ASB6: variants seen among roughly 807,000 people sequenced by gnomAD.
The protein encoded by ASB6 is ankyrin repeat and SOCS box protein 6.
ASB6 carries 24 observed loss-of-function variants against 28.6 expected under a neutral mutation model. That is an observed-to-expected ratio of 0.84 (90% CI 0.61 to 1.18). ASB6 has a LOEUF of 1.18. Ranked by LOEUF, ASB6 falls within the 50% of genes most tolerant of loss-of-function variation. ASB6 has a pLI of 0.00. For missense variants in ASB6, 519 were observed against 559.8 expected (o/e 0.93, Z 0.74); for synonymous variants, 267 against 243.4 (o/e 1.10, Z -0.90).
rs951999561 is a variant in ASB6, at chr9:129,635,695, C to T, written c.*2095G>A. The T allele has an allele frequency of 1.5e-5, 8 of 529,976 alleles. No homozygotes were observed. Among genetic ancestry groups the T allele is most frequent in the East Asian group, 6.6e-5 (2 of 30,358 alleles). 32.8% of individuals were successfully genotyped at this position (529,976 alleles called of 1,614,324 possible). A position where few individuals can be genotyped will look rare whatever the true frequency, so the allele number is the denominator to read the frequency against. On this transcript the variant is annotated 3_prime_UTR_variant, in exon 6 of 6. Coordinates refer to ENST00000277458, the MANE Select transcript of ASB6 (RefSeq NM_017873.4). ...CAGGAGCCCAGACCCTGCTCTCCTG[C>T]GAGATGGGATTGGGTGGAAGGGGCT... is the stretch of plus-strand genomic sequence containing the variant.
Position 129,635,486 on chromosome 9 carries a change from T to C in ASB6, c.*2304A>G. 3.1e-6 allele frequency: 5 copies of C among 1,597,622 alleles called. No individual in the cohort carries two copies. The highest frequency in any genetic ancestry group is 4.3e-6 in the Non-Finnish European group (5 of 1,169,554). On this transcript the variant is annotated 3_prime_UTR_variant, in exon 6 of 6. Transcript: ENST00000277458. ...ATGAGCCGGGGCTGGCAGGAGAAAC[T>C]GAGGAACCACAGTCCTGGTGGGGGG... is the stretch of plus-strand genomic sequence containing the variant.
chr9:129,635,106 T>C lies in ASB6; in HGVS notation c.*2684A>G. 1.4e-6 allele frequency: 2 copies of C among 1,398,210 alleles called. No individual in the cohort carries two copies. Among genetic ancestry groups the C allele is most frequent in the Non-Finnish European group, 1.9e-6 (2 of 1,029,580 alleles). The allele number at this position is 1,398,210 out of a possible 1,614,324, so 86.6% of individuals were successfully genotyped here. ...GAGGCCATGTGTGCACACAAAATGC[T>C]GGGCACAAATGAGGGGCTCAGCGGG... is the stretch of plus-strand genomic sequence containing the variant. On this transcript the variant is annotated 3_prime_UTR_variant, in exon 6 of 6. Transcript: ENST00000277458.
chr9:129,641,813 C>T, intron 1 of ASB6, 74 bp downstream of exon 1: 1 of 1,408,872 alleles, frequency 7.1e-7, no homozygotes, highest in South Asian at 1.4e-5. Flanking sequence ...CCACCCCGCC[C>T]GGCTTGTGGT....
Position 129,635,744 on chromosome 9 carries a change from G to C in ASB6, c.*2046C>G, listed in dbSNP as rs778008792. On this transcript the variant is annotated 3_prime_UTR_variant, in exon 6 of 6. Coordinates refer to ENST00000277458, the MANE Select transcript of ASB6 (RefSeq NM_017873.4). The stretch of plus-strand genomic sequence containing the variant: ...CTCCAGGGCTCCTGGTGCTCCCCAT[G>C]TGGGAATAGGGTGGCCACATCAGTA... The C allele has an allele frequency of 2.5e-4, 99 of 402,304 alleles. No homozygotes were observed. The highest frequency in any genetic ancestry group is 6.3e-5 in the Non-Finnish European group (14 of 221,356). 24.9% of individuals were successfully genotyped at this position (402,304 alleles called of 1,614,324 possible). A position where few individuals can be genotyped will look rare whatever the true frequency, so the allele number is the denominator to read the frequency against.
rs1180880154 is a variant in ASB6, at chr9:129,638,091, A to C, written c.965T>G (p.Leu322Arg). The part of the protein sequence containing the change: ...GCTEDESHAD[L>R]LRKAETVLDL... ...CAGGACAGTCTCAGCTTTGCGCAGG[A>C]GGTCCGCATGGCTCTCGTCTTCCGT... Residue 322 changes from leucine to arginine, a missense_variant, in exon 6 of 6, where the codon CTC (leucine) becomes CGC (arginine). Physicochemically the swap from Leu to Arg is moderately radical, Grantham distance 102. Coordinates refer to ENST00000277458, the MANE Select transcript of ASB6 (RefSeq NM_017873.4). 1 of 1,614,210 alleles carries C rather than the reference A, an allele frequency of 6.2e-7. No homozygotes were observed. Among genetic ancestry groups the C allele is most frequent in the Non-Finnish European group, 8.5e-7 (1 of 1,180,046 alleles).
rs372578515 is a variant in ASB6 at position 129,635,500 on chromosome 9, C to A, written c.*2290G>T. The A allele has an allele frequency of 7.4e-5, 117 of 1,585,184 alleles. No individual in the cohort carries two copies. In the Middle Eastern group the frequency reaches 1.3e-3, roughly 18 times the overall value. ...GCAGGAGAAACTGAGGAACCACAGT[C>A]CTGGTGGGGGGAGCTGGCAGCTGGG... On this transcript the variant is annotated 3_prime_UTR_variant, in exon 6 of 6. Transcript: ENST00000277458.
At position 129,634,750 on chromosome 9, in the gene ASB6, C is replaced by T. The variant is rs979084871; in HGVS notation, c.*3040G>A. ...CAGGCCGCTAGCAGCAGTCGGCCAC[C>T]TCCTGAGGCGGGCAGCACAGGCCTG... On this transcript the variant is annotated 3_prime_UTR_variant, in exon 6 of 6. Coordinates refer to ENST00000277458, the MANE Select transcript of ASB6 (RefSeq NM_017873.4). 8 of 221,512 alleles carry T rather than the reference C, an allele frequency of 3.6e-5. No homozygotes were observed. The Admixed American group carries it at 3.7e-4, about 10-fold the overall frequency. 13.7% of individuals were successfully genotyped at this position (221,512 alleles called of 1,614,324 possible). A position where few individuals can be genotyped will look rare whatever the true frequency, so the allele number is the denominator to read the frequency against.
At chr9:129,641,590 G>A (rs1304984252) in intron 1 of ASB6, among the ~76,000 whole-genome samples, 2 of 152,252 alleles carry the variant, frequency 1.3e-5, no homozygotes, top group Non-Finnish European at 2.9e-5. Context: ...CTGCTCCTCT[G>A]CCACGCCGGG....
chr9:129,638,678 C>T lies in ASB6; in HGVS notation c.512-19G>A, dbSNP rs772004088. ...GTTTTTCCTAGGGAGGGAGGGAGAG[C>T]AAGGAGGAGCAGGAGGCCAGGAAGC... On this transcript the variant is annotated intron_variant, in intron 4 of 5. Coordinates refer to ENST00000277458, the MANE Select transcript of ASB6 (RefSeq NM_017873.4). 3 of 1,601,964 alleles carry T rather than the reference C, an allele frequency of 1.9e-6. No individual in the cohort carries two copies. The East Asian group carries it at 6.7e-5, about 36-fold the overall frequency.
chr9:129,639,445 TCCA>T lies in ASB6; in HGVS notation c.356_358del (p.Val119del). ...GTCGGCCCCGTGATGCACCAGCAGCTCCACCATGTCCGGCTGGTTCCGCAGGAC... is the reference window on the plus strand; with the variant it reads ...GTCGGCCCCGTGATGCACCAGCAGCTCCATGTCCGGCTGGTTCCGCAGGAC... On this transcript the variant is annotated inframe_deletion, in exon 3 of 6. Coordinates refer to ENST00000277458, the MANE Select transcript of ASB6 (RefSeq NM_017873.4). 1 of 1,613,776 alleles carries T rather than the reference TCCA, an allele frequency of 6.2e-7. No homozygotes were observed. Among genetic ancestry groups the T allele is most frequent in the Non-Finnish European group, 8.5e-7 (1 of 1,179,798 alleles).
In ASB6 at chr9:129,637,666, T is replaced by G. The variant is rs533555558; in HGVS notation, c.*124A>C. 1 of 1,074,158 alleles carries G rather than the reference T, an allele frequency of 9.3e-7. No homozygotes were observed. Among genetic ancestry groups the G allele is most frequent in the Middle Eastern group, 3.2e-4 (1 of 3,098 alleles). The allele number at this position is 1,074,158 out of a possible 1,614,324, so 66.5% of individuals were successfully genotyped here. The stretch of plus-strand genomic sequence containing the variant: ...AGCTTCAGGCTCTACCTGGCTGGCT[T>G]TTCTCATGAAGGATCCCGTCTCATC... On this transcript the variant is annotated 3_prime_UTR_variant, in exon 6 of 6. Coordinates refer to ENST00000277458, the MANE Select transcript of ASB6 (RefSeq NM_017873.4).
chr9:129,640,456 T>C, intron 2 of ASB6, 85 bp downstream of exon 2: 1 of 1,500,480 alleles, frequency 6.7e-7, no homozygotes, highest in South Asian at 1.3e-5. Flanking sequence ...CAGAGGATGG[T>C]AGAAGCCAAG....
chr9:129,639,885 C>T (rs934399564), intron 2 of ASB6, among the ~76,000 whole-genome samples: 1 of 152,210 alleles, frequency 6.6e-6, no homozygotes, highest in African/African-American at 2.4e-5. Flanking sequence ...GCTTCAGAAC[C>T]GGCCCTCCCG....
rs759843312 is a variant in ASB6, at chr9:129,638,027, G to C, written c.1029C>G (p.Pro343=). The change falls in exon 6 of 6, where the codon CCC becomes CCG. Residue 343 remains proline (P), a synonymous_variant. Coordinates refer to ENST00000277458, the MANE Select transcript of ASB6 (RefSeq NM_017873.4). ...MVTNSQKLQL[P]ENFDIHPVGS... is the part of the protein sequence containing the mutation. ...CCACAGGGTGGATATCGAAGTTTTC[G>C]GGCAGCTGGAGTTTCTGAGAGTTGG... 8 of 1,613,926 alleles carry C rather than the reference G, an allele frequency of 5.0e-6. No homozygotes were observed. The highest frequency in any genetic ancestry group is 2.7e-5 in the African/African-American group (2 of 74,908).
Position 129,635,298 on chromosome 9 carries a change from T to C in ASB6, c.*2492A>G. ...GGCATCATCGTCATCAAAGACAACA[T>C]GGCCCAGGAGGGCGTGATTCTGGAC... is the stretch of plus-strand genomic sequence containing the variant. On this transcript the variant is annotated 3_prime_UTR_variant, in exon 6 of 6. Coordinates refer to ENST00000277458, the MANE Select transcript of ASB6 (RefSeq NM_017873.4). 1 of 1,613,814 alleles carries C rather than the reference T, an allele frequency of 6.2e-7. No homozygotes were observed. Among genetic ancestry groups the C allele is most frequent in the Non-Finnish European group, 8.5e-7 (1 of 1,180,028 alleles).
Position 129,635,340 on chromosome 9 carries a change from T to A in ASB6, c.*2450A>T. On this transcript the variant is annotated 3_prime_UTR_variant, in exon 6 of 6. Transcript: ENST00000277458. ...ATTCTGGACGACGTGGACAGCAGCG[T>A]GTGCCGGGACCTTGACGTGGTCCGC... 6.2e-7 allele frequency: 1 copy of A among 1,613,848 alleles called. No homozygotes were observed. The highest frequency in any genetic ancestry group is 1.3e-5 in the African/African-American group (1 of 75,042).
chr9:129,639,356 G>A (rs1831636585), intron 3 of ASB6, 46 bp from the exon 4 acceptor site: 1 of 1,602,740 alleles, frequency 6.2e-7, no homozygotes, highest in Non-Finnish European at 8.5e-7. Flanking sequence ...AGCTGCTCAG[G>A]CCCCTGCCCA....
rs1285541985 is a variant in ASB6, at chr9:129,635,291, GACA to G, written c.*2496_*2498del. ...CCCCAACGGCATCATCGTCATCAAAGACAACATGGCCCAGGAGGGCGTGATTCT... is the reference window on the plus strand; with the variant it reads ...CCCCAACGGCATCATCGTCATCAAAGACATGGCCCAGGAGGGCGTGATTCT... On this transcript the variant is annotated 3_prime_UTR_variant, in exon 6 of 6. Coordinates refer to ENST00000277458, the MANE Select transcript of ASB6 (RefSeq NM_017873.4). 9 of 1,613,742 alleles carry G rather than the reference GACA, an allele frequency of 5.6e-6. No individual in the cohort carries two copies. Among genetic ancestry groups the G allele is most frequent in the South Asian group, 1.1e-5 (1 of 91,090 alleles).
chr9:129,637,699 T>A lies in ASB6; in HGVS notation c.*91A>T, dbSNP rs1007923305. 7.6e-7 allele frequency: 1 copy of A among 1,313,560 alleles called. No individual in the cohort carries two copies. Among genetic ancestry groups the A allele is most frequent in the Non-Finnish European group, 1.0e-6 (1 of 986,482 alleles). The allele number at this position is 1,313,560 out of a possible 1,614,324, so 81.4% of individuals were successfully genotyped here. A position where few individuals can be genotyped will look rare whatever the true frequency, so the allele number is the denominator to read the frequency against. Reference sequence around the variant, plus strand: ...GAAGGATCCCGTCTCATCTCCCAGATCAAAAAGACCCTCTTCTAATGCTGT... The same window carrying A: ...GAAGGATCCCGTCTCATCTCCCAGAACAAAAAGACCCTCTTCTAATGCTGT... On this transcript the variant is annotated 3_prime_UTR_variant, in exon 6 of 6. Transcript: ENST00000277458.
Sources: allele counts gnomAD v4.1 joint callset (sites outside exome capture counted in the v4.1 genomes callset), GRCh38; gene constraint gnomAD v4.1.1; transcripts MANE v1.5; gene names NCBI Gene and HGNC (gene_info 2026-07-23, HGNC 2026-07-21).